Variants in ZFHX4 observed in about 807,000 individuals in gnomAD.
The protein encoded by ZFHX4 is zinc finger homeobox protein 4.
ZFHX4 carries 56 observed loss-of-function variants against 267.6 expected under a neutral mutation model. The observed-to-expected ratio is 0.21, with a 90% CI of 0.17 to 0.26. The LOEUF is 0.26. ZFHX4 is among the 10% of genes least tolerant of loss of function. The pLI is 1.00. For missense variants in ZFHX4, 4,332 were observed against 4,420.0 expected (o/e 0.98, Z 0.56); for synonymous variants, 1,778 against 1,665.6 (o/e 1.07, Z -1.64).
intron 3 of ZFHX4, among the ~76,000 whole-genome samples, chr8:76,771,699 G>T (rs543321646): frequency 3.8e-4 from 58 of 152,236 alleles, no homozygotes; most frequent in African/African-American, 1.2e-3. Flanking sequence ...TGGGATTCAG[G>T]CGTGAGCCAC....
chr8:76,864,434 T>G lies in ZFHX4; in HGVS notation c.10720T>G (p.Ser3574Ala). ...VQTSLPTESCSDESDSELSQK... is the reference protein window; with the variant it reads ...VQTSLPTESCADESDSELSQK... ...AACCTCACTACCCACAGAAAGTTGTTCAGATGAGTCTGACAGTGAGCTGAG... is the reference window on the plus strand; with the variant it reads ...AACCTCACTACCCACAGAAAGTTGTGCAGATGAGTCTGACAGTGAGCTGAG... The change falls in exon 11 of 11, where the codon TCA becomes GCA. Residue 3574 changes from serine to alanine, a missense_variant. By Grantham distance (99) the Ser-to-Ala change is moderately conservative. This residue lies in a region of ZFHX4 where 1,648 missense variants were observed against 1,625.0 expected (regional missense o/e 1.01). Transcript: ENST00000651372. 5 of 1,613,678 alleles carry G rather than the reference T, an allele frequency of 3.1e-6. No individual in the cohort carries two copies. The highest frequency in any genetic ancestry group is 4.2e-6 in the Non-Finnish European group (5 of 1,179,754).
Position 76,851,019 on chromosome 8 carries a change from G to A in ZFHX4, c.4098G>A (p.Lys1366=). 6.2e-7 allele frequency: 1 copy of A among 1,613,868 alleles called. No individual in the cohort carries two copies. Among genetic ancestry groups the A allele is most frequent in the Non-Finnish European group, 8.5e-7 (1 of 1,179,860 alleles). ...EVSEWNKNSS[K]DVKIPDTLQD... Reference sequence around the variant, plus strand: ...CAGAATGGAATAAAAATAGCAGTAAGGATGTGAAAATCCCCGACACACTGC... The same window carrying A: ...CAGAATGGAATAAAAATAGCAGTAAAGATGTGAAAATCCCCGACACACTGC... Residue 1366 remains lysine, a synonymous_variant, in exon 10 of 11, where the codon AAG becomes AAA. Coordinates refer to ENST00000651372, the MANE Select transcript of ZFHX4 (RefSeq NM_024721.5).
intron 3 of ZFHX4, among the ~76,000 whole-genome samples, chr8:76,734,278 T>G (rs1242742437): frequency 3.9e-5 from 6 of 152,322 alleles, no homozygotes; most frequent in Non-Finnish European, 8.8e-5. Context: ...TGAATGGGAA[T>G]TAAGCTGACA....
chr8:76,814,982 G>C (rs1389874388), intron 4 of ZFHX4, among the ~76,000 whole-genome samples: 2 of 152,124 alleles, frequency 1.3e-5, no homozygotes, highest in African/African-American at 4.8e-5. Flanking sequence ...AGGGTGGAAA[G>C]GTGGTAGAAA....
chr8:76,812,992 T>A (rs1007295926), intron 4 of ZFHX4, among the ~76,000 whole-genome samples: 2 of 152,216 alleles, frequency 1.3e-5, no homozygotes, highest in Non-Finnish European at 2.9e-5. Flanking sequence ...AAGAATTACA[T>A]ACTATTGTGA....
chr8:76,860,085 A>G (rs1305673211), intron 10 of ZFHX4, among the ~76,000 whole-genome samples: 1 of 152,084 alleles, frequency 6.6e-6, no homozygotes, highest in Non-Finnish European at 1.5e-5. Flanking sequence ...TTAATTGTAA[A>G]TTACCACCAC....
rs201155719 is a variant in ZFHX4 at position 76,864,177 on chromosome 8, G to C, written c.10463G>C (p.Arg3488Thr). The change falls in exon 11 of 11, where the codon AGA becomes ACA. Residue 3488 changes from arginine to threonine, a missense_variant. By Grantham distance (71) the Arg-to-Thr change is moderately conservative. This residue lies in a region of ZFHX4 where 1,648 missense variants were observed against 1,625.0 expected (regional missense o/e 1.01). Coordinates refer to ENST00000651372, the MANE Select transcript of ZFHX4 (RefSeq NM_024721.5). ...QAMRNAKEHV[R>T]LLPHSVCSPN... ...ATGAGAAATGCCAAAGAGCATGTTAGATTATTACCTCACTCAGTCTGCTCC... is the reference window on the plus strand; with the variant it reads ...ATGAGAAATGCCAAAGAGCATGTTACATTATTACCTCACTCAGTCTGCTCC... 70 of 1,613,772 alleles carry C rather than the reference G, an allele frequency of 4.3e-5. No homozygotes were observed. Among genetic ancestry groups the C allele is most frequent in the Non-Finnish European group, 2.5e-6 (3 of 1,179,834 alleles).
At chr8:76,791,332 C>T (rs17437520) in intron 4 of ZFHX4, among the ~76,000 whole-genome samples, 7,836 of 152,072 alleles carry the variant, frequency 0.052, 268 homozygotes, top group Non-Finnish European at 0.071. Flanking sequence ...TGTCCTGGAA[C>T]GTTAGCTGTT....
chr8:76,848,666 A>G (rs985036706), intron 6 of ZFHX4, among the ~76,000 whole-genome samples: 1 of 152,194 alleles, frequency 6.6e-6, no homozygotes. Context: ...TTAAGTTAGT[A>G]TTTGTGAAAG....
chr8:76,760,114 T>C (rs1007406912), intron 3 of ZFHX4, among the ~76,000 whole-genome samples: 4 of 152,216 alleles, frequency 2.6e-5, no homozygotes, highest in African/African-American at 9.6e-5. Context: ...ATGAAGTTCA[T>C]TAGATAAGAA....
Position 76,706,317 on chromosome 8 carries a change from C to G in ZFHX4, c.2229C>G (p.Ala743=). The G allele has an allele frequency of 2.5e-6, 4 of 1,614,044 alleles. No homozygotes were observed. Among genetic ancestry groups the G allele is most frequent in the Non-Finnish European group, 3.4e-6 (4 of 1,179,980 alleles). Reference sequence around the variant, plus strand: ...GTGAGCAGGTGTTTGGCCACTCTGCCCCAGCCCCCAACACCAGCCTCAGTG... The same window carrying G: ...GTGAGCAGGTGTTTGGCCACTCTGCGCCAGCCCCCAACACCAGCCTCAGTG... ...GNGEQVFGHS[A]PAPNTSLSGC... The change falls in exon 2 of 11, where the codon GCC becomes GCG. Residue 743 remains alanine, a synonymous_variant. Coordinates refer to ENST00000651372, the MANE Select transcript of ZFHX4 (RefSeq NM_024721.5).
chr8:76,708,254 C>T (rs1023758623), intron 3 of ZFHX4: 11 of 632,330 alleles, frequency 1.7e-5, no homozygotes, highest in Non-Finnish European at 2.4e-5. Flanking sequence ...CCCTATGTCT[C>T]ACTTACACCT....
At position 76,863,226 on chromosome 8, in the gene ZFHX4, C is replaced by T; in HGVS notation, c.9512C>T (p.Pro3171Leu). ...TPPPPPPPPP[P>L]PPSSSLSGQQ... ...CCACCTCCACCACCTCCTCCTCCTC[C>T]TCCTCCTTCATCCTCTCTGTCAGGA... The change falls in exon 11 of 11, where the codon CCT (proline) becomes CTT (leucine). Residue 3171 changes from proline to leucine, a missense_variant. Around this residue, in one of 7 missense-constraint regions of ZFHX4, gnomAD observed 1,648 missense variants for 1,625.0 expected, o/e 1.01. Coordinates refer to ENST00000651372, the MANE Select transcript of ZFHX4 (RefSeq NM_024721.5). 1 of 1,586,284 alleles carries T rather than the reference C, an allele frequency of 6.3e-7. No individual in the cohort carries two copies. Among genetic ancestry groups the T allele is most frequent in the Non-Finnish European group, 8.6e-7 (1 of 1,165,810 alleles).
rs1187053207 is a variant in ZFHX4, at chr8:76,863,647, C to T, written c.9933C>T (p.Ser3311=). The T allele has an allele frequency of 1.9e-6, 3 of 1,611,556 alleles. No individual in the cohort carries two copies. The highest frequency in any genetic ancestry group is 3.4e-5 in the Admixed American group (2 of 59,642). ...TGCCCCAGACACTGGCAGGTCTGTC[C>T]CCAGGTGCACTGTTGCAGCAGTACC... ...PTMPQTLAGL[S]PGALLQQYQQ... is the part of the protein sequence containing the mutation. The change falls in exon 11 of 11, where the codon TCC becomes TCT. Residue 3311 remains serine, a synonymous_variant. Transcript: ENST00000651372.
chr8:76,750,907 C>T (rs56992985), intron 3 of ZFHX4, among the ~76,000 whole-genome samples: 3 of 151,980 alleles, frequency 2.0e-5, no homozygotes, highest in East Asian at 3.9e-4. Context: ...TTCAAGAGAA[C>T]GAATTGATTA....
intron 10 of ZFHX4, among the ~76,000 whole-genome samples, chr8:76,859,891 C>A (rs1359646860): frequency 6.6e-6 from 1 of 152,030 alleles, no homozygotes; most frequent in Non-Finnish European, 1.5e-5. Context: ...GAAAGTATTA[C>A]TATCAGGACA....
chr8:76,822,900 A>G (rs976703347), intron 4 of ZFHX4, among the ~76,000 whole-genome samples: 5 of 152,184 alleles, frequency 3.3e-5, no homozygotes, highest in African/African-American at 1.2e-4. Context: ...ACATTTTCAA[A>G]TATATTCAAC....
chr8:76,764,194 C>A (rs1233441774), intron 3 of ZFHX4, among the ~76,000 whole-genome samples: 1 of 152,086 alleles, frequency 6.6e-6, no homozygotes, highest in Non-Finnish European at 1.5e-5. Flanking sequence ...AGCAGTTTCT[C>A]AAAGGAAATT....
intron 1 of ZFHX4, among the ~76,000 whole-genome samples, chr8:76,682,108 C>T (rs1807547487): frequency 6.6e-6 from 1 of 151,968 alleles, no homozygotes; most frequent in African/African-American, 2.4e-5. Context: ...TGCCAGGGGT[C>T]TCCGCTCGCC....
Sources: allele counts gnomAD v4.1 joint callset (sites outside exome capture counted in the v4.1 genomes callset), GRCh38; gene constraint gnomAD v4.1.1; regional missense constraint gnomAD v4.1.1; transcripts MANE v1.5; gene names NCBI Gene and HGNC (gene_info 2026-07-23, HGNC 2026-07-21).